TEX9: variants seen among roughly 807,000 people sequenced by gnomAD.
TEX9 encodes testis expressed 9.
Under a neutral mutation model 59.6 loss-of-function variants are expected in TEX9, and 74 were observed. The observed-to-expected ratio is 1.24, with a 90% CI of 1.03 to 1.51. The LOEUF (loss-of-function observed/expected upper bound fraction) is 1.51. Ranked by LOEUF, TEX9 falls within the 40% of genes most tolerant of loss-of-function variation. TEX9 has a pLI of 0.00. For missense variants in TEX9, 522 were observed against 447.8 expected, an observed-to-expected ratio of 1.17 and a Z score of -1.49; for synonymous variants, 186 against 152.2, an observed-to-expected ratio of 1.22 and a Z score of -1.64.
rs531383730 is a variant in TEX9, at chr15:56,332,503, A to G, written c.-106-40938A>G. On this transcript the variant is annotated intron_variant, in intron 1 of 5. Coordinates refer to the TEX9 transcript ENST00000560827. Reference sequence around the variant, plus strand: ...GGGAGGGGGGAGGGATAGCATTGGGAGATATACCTAATGCTAGATCACGAG... The same window carrying G: ...GGGAGGGGGGAGGGATAGCATTGGGGGATATACCTAATGCTAGATCACGAG... 5.5e-4 allele frequency among the ~76,000 whole-genome samples: 83 copies of G among 151,674 alleles called. 1 individual carries two copies. The highest frequency in any genetic ancestry group is 3.4e-3 in the Middle Eastern group (1 of 294).
At chr15:56,252,099 T>G (rs891278590) in intron 1 of TEX9, among the ~76,000 whole-genome samples, 1 of 152,150 alleles carries the variant, frequency 6.6e-6, no homozygotes, top group Non-Finnish European at 1.5e-5. Context: ...CCTTATCCAT[T>G]CCCTACCCAC....
At chr15:56,315,364 A>C (rs1416369673) in intron 1 of TEX9, among the ~76,000 whole-genome samples, 3 of 147,156 alleles carry the variant, frequency 2.0e-5, no homozygotes, top group African/African-American at 7.4e-5. Context: ...AAAATCTCTC[A>C]GCATTTGCTT....
At chr15:56,286,772 A>G (rs2044962928) in intron 1 of TEX9, among the ~76,000 whole-genome samples, 1 of 152,194 alleles carries the variant, frequency 6.6e-6, no homozygotes, top group Non-Finnish European at 1.5e-5. Context: ...TGTCTTAGCC[A>G]ATCTCGTGAC....
At chr15:56,251,490 A>G (rs1038493947) in intron 1 of TEX9, among the ~76,000 whole-genome samples, 7 of 152,222 alleles carry the variant, frequency 4.6e-5, no homozygotes, top group Non-Finnish European at 1.0e-4. Context: ...CCCAAGGAAG[A>G]TGTTAGTAAT....
chr15:56,247,220 T>C (rs1227913156), intron 1 of TEX9, among the ~76,000 whole-genome samples: 3 of 152,224 alleles, frequency 2.0e-5, no homozygotes, highest in African/African-American at 2.4e-5. Context: ...TTATCATGCC[T>C]GATATATAGC....
intron 1 of TEX9, among the ~76,000 whole-genome samples, chr15:56,246,491 A>G (rs1441668582): frequency 6.6e-6 from 1 of 152,110 alleles, no homozygotes; most frequent in African/African-American, 2.4e-5. Flanking sequence ...TGATGAAGTT[A>G]CCCAAAATTT....
chr15:56,448,829 C>A (rs2050927315), downstream of TEX9, among the ~76,000 whole-genome samples: 1 of 148,142 alleles, frequency 6.8e-6, no homozygotes. Context: ...TCTCAGCTCA[C>A]TGCAAGCTCC....
intron 12 of TEX9, among the ~76,000 whole-genome samples, chr15:56,442,948 CCT>C (rs1290996744): frequency 1.4e-4 from 21 of 151,860 alleles, no homozygotes; most frequent in African/African-American, 4.4e-4. Flanking sequence ...TGTGGATTTG[CCT>C]CTTTCTCCTT....
intron 1 of TEX9, among the ~76,000 whole-genome samples, chr15:56,320,423 C>T (rs1044453189): frequency 1.3e-5 from 2 of 152,130 alleles, no homozygotes; most frequent in Admixed American, 6.5e-5. Flanking sequence ...TCCTGGCTTG[C>T]AGAGGGCTTC....
In TEX9 at chr15:56,396,226, T is replaced by C. The variant is rs148493935; in HGVS notation, c.828+1392T>C. The C allele has an allele frequency of 1.8e-3, 275 of 152,336 alleles. 1 individual carries two copies. Among genetic ancestry groups the C allele is most frequent in the African/African-American group, 6.4e-3 (265 of 41,592 alleles). 9.4% of individuals were successfully genotyped at this position (152,336 alleles called of 1,614,324 possible). A position where few individuals can be genotyped will look rare whatever the true frequency, so the allele number is the denominator to read the frequency against. ...ACATTTCTCGTTTGTATGGTCATAT[T>C]TAAAAACCCTGCTTTTTAAACATTT... On this transcript the variant is annotated intron_variant, in intron 9 of 12. Transcript: ENST00000352903.
At chr15:56,279,518 G>C (rs1019732570) in intron 1 of TEX9, among the ~76,000 whole-genome samples, 1 of 152,148 alleles carries the variant, frequency 6.6e-6, no homozygotes, top group South Asian at 2.1e-4. Flanking sequence ...TTTGCTAATA[G>C]ATAGTGTTTA....
chr15:56,317,077 T>C (rs1194476668), intron 1 of TEX9, among the ~76,000 whole-genome samples: 2 of 152,074 alleles, frequency 1.3e-5, no homozygotes, highest in East Asian at 3.9e-4. Flanking sequence ...ATGAACCCGG[T>C]ACCTCAGATG....
In TEX9 at chr15:56,389,397, C is replaced by G; in HGVS notation, c.392C>G (p.Ser131Ter). Reference sequence around the variant, plus strand: ...GCAAATAAAGGAAGGAAAACAAATTCAAGGTATAGTATAGTTTTCAAAGTA... The same window carrying G: ...GCAAATAAAGGAAGGAAAACAAATTGAAGGTATAGTATAGTTTTCAAAGTA... Residue 131 changes from serine to a stop codon, truncating the protein, a stop_gained, in exon 6 of 13, where the codon TCA becomes TGA. Transcript: ENST00000352903. LOFTEE classifies it high-confidence loss of function. The G allele has an allele frequency of 6.3e-7, 1 of 1,597,258 alleles. No individual in the cohort carries two copies. Among genetic ancestry groups the G allele is most frequent in the Non-Finnish European group, 8.6e-7 (1 of 1,166,126 alleles).
At chr15:56,361,579 G>C (rs749489295), upstream of TEX9, among the ~76,000 whole-genome samples, 2 of 151,870 alleles carry the variant, frequency 1.3e-5, no homozygotes, top group African/African-American at 4.8e-5. Context: ...GTATAATTTC[G>C]GTTATAGGTT....
intron 1 of TEX9, among the ~76,000 whole-genome samples, chr15:56,269,547 C>A (rs2044473056): frequency 6.6e-6 from 1 of 152,010 alleles, no homozygotes; most frequent in Non-Finnish European, 1.5e-5. Flanking sequence ...TTTCAAAGAA[C>A]ATCTTTATTT....
chr15:56,336,547 A>C (rs1159199492), intron 1 of TEX9, among the ~76,000 whole-genome samples: 1 of 152,186 alleles, frequency 6.6e-6, no homozygotes, highest in Non-Finnish European at 1.5e-5. Context: ...AACTGTGAGA[A>C]ATAAGTTTCT....
chr15:56,264,343 C>A (rs1347879367), intron 1 of TEX9, among the ~76,000 whole-genome samples: 1 of 152,108 alleles, frequency 6.6e-6, no homozygotes. Flanking sequence ...TGTAGAACAC[C>A]TTTTTATGTC....
At chr15:56,353,064 T>C (rs1043758016) in intron 1 of TEX9, among the ~76,000 whole-genome samples, 4 of 152,206 alleles carry the variant, frequency 2.6e-5, no homozygotes, top group Non-Finnish European at 4.4e-5. Context: ...AATATTTAGG[T>C]GCTCACAGCC....
At chr15:56,328,752 G>A (rs1415037680) in intron 1 of TEX9, among the ~76,000 whole-genome samples, 3 of 152,164 alleles carry the variant, frequency 2.0e-5, no homozygotes, top group Non-Finnish European at 4.4e-5. Flanking sequence ...TTGAGTGCCA[G>A]CTCAGCACTC....
Sources: gnomAD v4.1 joint callset for allele counts (sites outside exome capture counted in the v4.1 genomes callset) on GRCh38, gnomAD v4.1.1 for gene constraint, MANE v1.5 for transcripts, NCBI Gene and HGNC (gene_info 2026-07-23, HGNC 2026-07-21) for gene names.